Variants in SPAG1 observed in about 807,000 individuals in gnomAD.
SPAG1 encodes sperm associated antigen 1.
In SPAG1, 69 loss-of-function variants were observed where a neutral mutation model predicts 100.5. The ratio of observed to expected loss-of-function variants is 0.69; its 90% confidence interval spans 0.57 to 0.84. The LOEUF (loss-of-function observed/expected upper bound fraction) is 0.84, where lower values mean the gene tolerates loss of function less well. Among genes scored for constraint, SPAG1 ranks in the 40% least tolerant of loss-of-function variants. The pLI is 0.00. For missense variants in SPAG1, 955 were observed against 1,133.1 expected, an observed-to-expected ratio of 0.84 and a Z score of 2.26; for synonymous variants, 336 against 411.6, an observed-to-expected ratio of 0.82 and a Z score of 2.22.
chr8:100,184,868 C>A, intron 7 of SPAG1, 135 bp downstream of exon 7: 1 of 591,922 alleles, frequency 1.7e-6, no homozygotes, highest in Non-Finnish European at 2.9e-6. Flanking sequence ...ATCATATATT[C>A]ACTTGTGTTT....
rs553982133 is a variant in SPAG1, at chr8:100,176,311, T to C, written c.301-1505T>C. ...GCTTTAAGTTGTCATATAATGACTT[T>C]GCTTTTTCTGGAATCATATTAGAGT... On this transcript the variant is annotated intron_variant, in intron 3 of 18. Coordinates refer to ENST00000388798, the MANE Select transcript of SPAG1 (RefSeq NM_003114.5). Among the ~76,000 whole-genome samples, 12 of 152,312 alleles carry C rather than the reference T, an allele frequency of 7.9e-5. No homozygotes were observed. The South Asian group carries it at 8.3e-4, about 11-fold the overall frequency.
chr8:100,228,251 T>C (rs1236557085), intron 14 of SPAG1, among the ~76,000 whole-genome samples: 3 of 152,006 alleles, frequency 2.0e-5, no homozygotes, highest in Non-Finnish European at 4.4e-5. Flanking sequence ...ACAAATAAGA[T>C]TATTGTTTAC....
intron 3 of SPAG1, among the ~76,000 whole-genome samples, chr8:100,166,651 G>A (rs1675081784): frequency 6.6e-6 from 1 of 152,108 alleles, no homozygotes; most frequent in Non-Finnish European, 1.5e-5. Context: ...CACACCACCT[G>A]TAATCCCAGC....
Position 100,239,151 on chromosome 8 carries a change from C to G in SPAG1, c.2116-89C>G. ...ATGTGGACCCTGCACACATACTGCA[C>G]AGCTCACTACATCCACCCCACTCCC... On this transcript the variant is annotated intron_variant, in intron 16 of 18. Transcript: ENST00000388798. This position sits in a 1 kb window ranked among gnomAD's most constrained non-coding sequence, Gnocchi z 5.0. The G allele has an allele frequency of 2.6e-6, 2 of 758,782 alleles. No individual in the cohort carries two copies. Among genetic ancestry groups the G allele is most frequent in the South Asian group, 3.8e-5 (2 of 52,238 alleles). The allele number at this position is 758,782 out of a possible 1,614,324, so 47.0% of individuals were successfully genotyped here. A position where few individuals can be genotyped will look rare whatever the true frequency, so the allele number is the denominator to read the frequency against.
intron 7 of SPAG1, 107 bp from the exon 8 acceptor site, chr8:100,187,013 G>T (rs1563781995): frequency 9.7e-7 from 1 of 1,032,092 alleles, no homozygotes; most frequent in Non-Finnish European, 1.4e-6. Context: ...ATACAATTCA[G>T]CCCATAGACA....
intron 9 of SPAG1, 93 bp from the exon 10 acceptor site, chr8:100,194,019 A>G: frequency 4.6e-6 from 5 of 1,086,300 alleles, no homozygotes; most frequent in Non-Finnish European, 6.3e-6. Flanking sequence ...AGTTGTATTC[A>G]TTTTTCAACA....
chr8:100,240,295 C>T (rs1819199053), intron 17 of SPAG1, 108 bp from the exon 18 acceptor site: 5 of 1,063,790 alleles, frequency 4.7e-6, no homozygotes, highest in Non-Finnish European at 5.4e-6. Context: ...AACTGGACTA[C>T]AGTACAGTCT....
At chr8:100,210,721 A>G (rs1418489678) in intron 10 of SPAG1, among the ~76,000 whole-genome samples, 2 of 151,596 alleles carry the variant, frequency 1.3e-5, no homozygotes, top group Admixed American at 6.6e-5. Flanking sequence ...GAGTCTTGCT[A>G]TGTTGCCCAG....
At chr8:100,209,437 A>G (rs1353165153) in intron 10 of SPAG1, among the ~76,000 whole-genome samples, 4 of 149,596 alleles carry the variant, frequency 2.7e-5, no homozygotes, top group Admixed American at 2.0e-4. Flanking sequence ...AAAAAAAAAA[A>G]AAGAAGAAGA....
intron 16 of SPAG1, among the ~76,000 whole-genome samples, chr8:100,234,483 T>G (rs1463424710): frequency 6.6e-6 from 1 of 152,246 alleles, no homozygotes; most frequent in Non-Finnish European, 1.5e-5. Context: ...AGATTAGTTT[T>G]GATTGTTTTG....
Position 100,213,004 on chromosome 8 carries a change from T to G in SPAG1, c.1097-86T>G, listed in dbSNP as rs1289557689. The G allele has an allele frequency of 2.2e-5, 12 of 553,292 alleles. 1 individual carries two copies. Among genetic ancestry groups the G allele is most frequent in the Non-Finnish European group, 3.0e-5 (12 of 401,616 alleles). The allele number at this position is 553,292 out of a possible 1,614,324, so 34.3% of individuals were successfully genotyped here. A position where few individuals can be genotyped will look rare whatever the true frequency, so the allele number is the denominator to read the frequency against. On this transcript the variant is annotated intron_variant, in intron 10 of 18. Transcript: ENST00000388798. ...GCTTCCCTAGAGCCCGCCCTCCGCG[T>G]CCTGCACCCCCGCGGCCTCCGCGGC...
In SPAG1 at chr8:100,239,181, A is replaced by T; in HGVS notation, c.2116-59A>T. ...CACTACATCCACCCCACTCCCACTC[A>T]GGTTACTCTAGGCTCCTTCTATTTA... On this transcript the variant is annotated intron_variant, in intron 16 of 18. Transcript: ENST00000388798. This position sits in a 1 kb window ranked among gnomAD's most constrained non-coding sequence, Gnocchi z 5.0. 1.8e-6 allele frequency: 2 copies of T among 1,091,258 alleles called. No individual in the cohort carries two copies. Among genetic ancestry groups the T allele is most frequent in the Non-Finnish European group, 2.6e-6 (2 of 760,470 alleles). The allele number at this position is 1,091,258 out of a possible 1,614,324, so 67.6% of individuals were successfully genotyped here. A position where few individuals can be genotyped will look rare whatever the true frequency, so the allele number is the denominator to read the frequency against.
At chr8:100,233,293 C>T in intron 15 of SPAG1, 118 bp from the exon 16 acceptor site, 1 of 1,105,224 alleles carries the variant, frequency 9.0e-7, no homozygotes, top group Non-Finnish European at 1.3e-6. Flanking sequence ...TCAATGGAAA[C>T]CGCAGTGGTA....
At chr8:100,230,014 A>C (rs1191094507) in intron 14 of SPAG1, among the ~76,000 whole-genome samples, 1 of 152,204 alleles carries the variant, frequency 6.6e-6, no homozygotes, top group Non-Finnish European at 1.5e-5. Flanking sequence ...ACAGGAAAGA[A>C]AAAGATTTAT....
At chr8:100,204,432 A>T (rs1189238523) in intron 10 of SPAG1, among the ~76,000 whole-genome samples, 1 of 152,136 alleles carries the variant, frequency 6.6e-6, no homozygotes, top group African/African-American at 2.4e-5. Flanking sequence ...TGGAAAGAAC[A>T]TAGAGTTGGA....
chr8:100,191,941 A>C (rs1272854075), intron 9 of SPAG1, among the ~76,000 whole-genome samples: 1 of 152,158 alleles, frequency 6.6e-6, no homozygotes, highest in Non-Finnish European at 1.5e-5. Flanking sequence ...TAAAGAGTAG[A>C]GGTAAGTGTC....
At chr8:100,240,219 A>G (rs1819194980) in intron 17 of SPAG1, among the ~76,000 whole-genome samples, 184 bp from the exon 18 acceptor site, 1 of 152,178 alleles carries the variant, frequency 6.6e-6, no homozygotes, top group South Asian at 2.1e-4. Flanking sequence ...TAAAACTTTT[A>G]TGAATTGGAT....
chr8:100,213,496 C>G, intron 11 of SPAG1, 68 bp downstream of exon 11: 2 of 1,237,406 alleles, frequency 1.6e-6, no homozygotes, highest in South Asian at 2.1e-5. Flanking sequence ...TCCGGGGCCC[C>G]CGTGGGAGAG....
intron 1 of SPAG1, among the ~76,000 whole-genome samples, chr8:100,161,361 A>G (rs556429010): frequency 6.6e-6 from 1 of 151,194 alleles, no homozygotes; most frequent in South Asian, 2.1e-4. Context: ...CAAACAAAAC[A>G]CTCCACCTCC....
Sources: gnomAD v4.1 joint callset for allele counts (sites outside exome capture counted in the v4.1 genomes callset) on GRCh38, gnomAD v4.1.1 for gene constraint, Gnocchi (gnomAD v3.1) non-coding constraint, MANE v1.5 for transcripts, NCBI Gene and HGNC (gene_info 2026-07-23, HGNC 2026-07-21) for gene names.